Variants in CACNA2D1 observed in about 807,000 individuals in gnomAD.
The protein encoded by CACNA2D1 is voltage-dependent calcium channel subunit alpha-2/delta-1.
Under a neutral mutation model 171.5 loss-of-function variants are expected in CACNA2D1, and 53 were observed. That is an observed-to-expected ratio of 0.31 (90% confidence interval 0.25 to 0.39). CACNA2D1 has a LOEUF of 0.39. Ranked by LOEUF, CACNA2D1 falls within the 10% of genes least tolerant of loss-of-function variation. The probability of loss-of-function intolerance (pLI) is 1.00; values close to 1 mark genes in which losing one functional copy is unlikely to be tolerated. For missense variants in CACNA2D1, 903 were observed against 1,299.8 expected, an observed-to-expected ratio of 0.69 and a Z score of 4.69; for synonymous variants, 442 against 443.1, an observed-to-expected ratio of 1.00 and a Z score of 0.03.
intron 6 of CACNA2D1, among the ~76,000 whole-genome samples, chr7:82,110,357 C>T (rs866279013): frequency 2.6e-5 from 4 of 152,200 alleles, no homozygotes; most frequent in African/African-American, 9.6e-5. Flanking sequence ...AGAGCTTGCT[C>T]GCTCTCTCTG....
chr7:82,174,815 A>G (rs2129157224), intron 3 of CACNA2D1, among the ~76,000 whole-genome samples: 1 of 152,222 alleles, frequency 6.6e-6, no homozygotes, highest in East Asian at 1.9e-4. Context: ...CTAATCAGTA[A>G]AAACGCTTTT....
intron 5 of CACNA2D1, among the ~76,000 whole-genome samples, chr7:82,130,587 T>G (rs918679466): frequency 6.6e-6 from 1 of 151,978 alleles, no homozygotes; most frequent in Non-Finnish European, 1.5e-5. Context: ...AGGAAATGAT[T>G]GATATGAGTA....
At chr7:82,147,417 C>T (rs942106751) in intron 4 of CACNA2D1, among the ~76,000 whole-genome samples, 2 of 152,118 alleles carry the variant, frequency 1.3e-5, no homozygotes, top group Non-Finnish European at 2.9e-5. Context: ...CACCAAATCT[C>T]CCAGAAACCT....
chr7:82,038,307 T>A, intron 10 of CACNA2D1, 72 bp from the exon 11 acceptor site: 1 of 1,342,336 alleles, frequency 7.4e-7, no homozygotes, highest in Non-Finnish European at 1.0e-6. Context: ...AGAATTTGTG[T>A]TTGATACTCC....
At chr7:81,980,172 CAAAAAAA>C (rs35616922) in intron 24 of CACNA2D1, among the ~76,000 whole-genome samples, 122 of 25,250 alleles carry the variant, frequency 4.8e-3, no homozygotes, top group African/African-American at 0.013. Context: ...TAAAACCAAG[CAAAAAAA>C]AAAAAAAAAA....
intron 5 of CACNA2D1, among the ~76,000 whole-genome samples, chr7:82,120,885 A>AT (rs1261742636): frequency 1.3e-5 from 2 of 151,752 alleles, no homozygotes; most frequent in Non-Finnish European, 2.9e-5. Flanking sequence ...AAAAAAAAAA[A>AT]AAAAAAAGAA....
intron 21 of CACNA2D1, among the ~76,000 whole-genome samples, chr7:81,987,252 A>G (rs1410921596): frequency 6.6e-6 from 1 of 152,212 alleles, no homozygotes; most frequent in African/African-American, 2.4e-5. Context: ...ATCTTTATCA[A>G]CATTCCTAGT....
intron 1 of CACNA2D1, among the ~76,000 whole-genome samples, chr7:82,365,135 G>A (rs1289579492): frequency 6.6e-6 from 1 of 152,140 alleles, no homozygotes; most frequent in Non-Finnish European, 1.5e-5. Flanking sequence ...GAGAAGTGGG[G>A]AAGACAGTAG....
At chr7:82,242,216 G>A (rs532763356) in intron 3 of CACNA2D1, among the ~76,000 whole-genome samples, 3 of 152,054 alleles carry the variant, frequency 2.0e-5, no homozygotes, top group African/African-American at 4.8e-5. Context: ...AGTAAGAACC[G>A]TATAAGGGAG....
intron 3 of CACNA2D1, among the ~76,000 whole-genome samples, chr7:82,267,374 A>G (rs1807999886): frequency 6.6e-6 from 1 of 152,188 alleles, no homozygotes; most frequent in South Asian, 2.1e-4. Context: ...TGATATAAAT[A>G]CAACCTTACA....
At chr7:82,161,546 C>T (rs1452894327) in intron 4 of CACNA2D1, among the ~76,000 whole-genome samples, 1 of 151,886 alleles carries the variant, frequency 6.6e-6, no homozygotes, top group Non-Finnish European at 1.5e-5. Context: ...ACAAAATTTG[C>T]AGATTAACTA....
chr7:82,117,569 T>C (rs1188664363), intron 5 of CACNA2D1, among the ~76,000 whole-genome samples: 1 of 152,178 alleles, frequency 6.6e-6, no homozygotes, highest in Non-Finnish European at 1.5e-5. Context: ...GCAGATCACT[T>C]GAGCCCAGGA....
chr7:82,200,651 T>G (rs1218886429), intron 3 of CACNA2D1, among the ~76,000 whole-genome samples: 1 of 152,182 alleles, frequency 6.6e-6, no homozygotes, highest in African/African-American at 2.4e-5. Flanking sequence ...CCTTCAATAT[T>G]TTACTCTTTT....
At chr7:81,952,625 G>A (rs1394249300) in intron 38 of CACNA2D1, among the ~76,000 whole-genome samples, 1 of 151,896 alleles carries the variant, frequency 6.6e-6, no homozygotes, top group African/African-American at 2.4e-5. Context: ...GGTTTTTCTT[G>A]AAACTTGTTT....
At chr7:82,055,260 C>T (rs941028197) in intron 10 of CACNA2D1, among the ~76,000 whole-genome samples, 3 of 152,072 alleles carry the variant, frequency 2.0e-5, no homozygotes, top group African/African-American at 7.2e-5. Flanking sequence ...GCAAAAGTAA[C>T]CTGTGACCCT....
chr7:81,976,461 C>CA (rs1795852274), intron 24 of CACNA2D1, among the ~76,000 whole-genome samples: 1 of 152,194 alleles, frequency 6.6e-6, no homozygotes, highest in South Asian at 2.1e-4. Flanking sequence ...CCTTCACACA[C>CA]ATCCCTTTTA....
chr7:82,431,558 G>C (rs1365808196), intron 1 of CACNA2D1, among the ~76,000 whole-genome samples: 3 of 152,080 alleles, frequency 2.0e-5, no homozygotes, highest in Non-Finnish European at 4.4e-5. Flanking sequence ...AGACCTCAAA[G>C]CTTCTGCAAA....
At chr7:82,406,039 C>A (rs1826998158) in intron 1 of CACNA2D1, among the ~76,000 whole-genome samples, 1 of 152,104 alleles carries the variant, frequency 6.6e-6, no homozygotes, top group African/African-American at 2.4e-5. Flanking sequence ...ATCCCTCCCC[C>A]TCCCCCAACC....
intron 1 of CACNA2D1, among the ~76,000 whole-genome samples, chr7:82,382,908 AT>A (rs1259013899): frequency 1.3e-5 from 2 of 152,198 alleles, no homozygotes; most frequent in Non-Finnish European, 2.9e-5. Context: ...CATGAAATAT[AT>A]CATGGTAACA....
Sources: gnomAD v4.1 joint callset for allele counts (sites outside exome capture counted in the v4.1 genomes callset) on GRCh38, gnomAD v4.1.1 for gene constraint, MANE v1.5 for transcripts, NCBI Gene and HGNC (gene_info 2026-07-23, HGNC 2026-07-21) for gene names.